POU6F2: variants seen among roughly 807,000 people sequenced by gnomAD.
POU6F2 encodes the protein POU domain, class 6, transcription factor 2.
A neutral mutation model predicts 71.3 loss-of-function variants in POU6F2; 31 were observed. The ratio of observed to expected loss-of-function variants is 0.43; its 90% CI spans 0.33 to 0.59. The LOEUF (loss-of-function observed/expected upper bound fraction) is 0.59, where lower values mean the gene tolerates loss of function less well. Among genes scored for constraint, POU6F2 ranks in the 20% least tolerant of loss-of-function variants. The pLI is 0.04. For missense variants in POU6F2, 783 were observed against 856.8 expected, an observed-to-expected ratio of 0.91 and a Z score of 1.07; for synonymous variants, 347 against 355.7, an observed-to-expected ratio of 0.98 and a Z score of 0.27.
At chr7:39,439,883 A>AAAT (rs1318586765) in intron 7 of POU6F2, among the ~76,000 whole-genome samples, 10 of 152,044 alleles carry the variant, frequency 6.6e-5, no homozygotes, top group Admixed American at 1.3e-4. Context: ...ATGGTGGTAA[A>AAAT]AAAAATGCCT....
intron 4 of POU6F2, among the ~76,000 whole-genome samples, chr7:39,224,201 G>A (rs1032678854): frequency 6.6e-6 from 1 of 152,198 alleles, no homozygotes; most frequent in East Asian, 1.9e-4. Context: ...AAATGATATT[G>A]CATACTTTTT....
intron 4 of POU6F2, among the ~76,000 whole-genome samples, chr7:39,219,510 T>C (rs776682799): frequency 6.6e-5 from 10 of 152,140 alleles, no homozygotes; most frequent in Non-Finnish European, 1.2e-4. Context: ...TTAGATCTGG[T>C]GCTATAGGGA....
chr7:39,310,794 G>A (rs60467141), intron 4 of POU6F2, among the ~76,000 whole-genome samples: 104,148 of 152,118 alleles, frequency 0.68, 35,677 homozygotes, highest in Admixed American at 0.77. Context: ...CGACCCAGCG[G>A]CAGGGTGCTG....
chr7:39,367,835 A>G lies in POU6F2; in HGVS notation c.972+27820A>G, dbSNP rs150136164. Among the ~76,000 whole-genome samples the G allele has an allele frequency of 6.3e-4, 96 of 152,222 alleles. 1 individual carries two copies. The highest frequency in any genetic ancestry group is 2.2e-3 in the African/African-American group (91 of 41,532). On this transcript the variant is annotated intron_variant, in intron 5 of 9. Coordinates refer to ENST00000518318, the MANE Select transcript of POU6F2 (RefSeq NM_001370959.1). ...TTACAATATTACAAGTTTATTCATT[A>G]TTATGAGATCTTCTATGGTGATCTG... is the stretch of plus-strand genomic sequence containing the variant.
chr7:39,263,987 A>G (rs892421166), intron 4 of POU6F2, among the ~76,000 whole-genome samples: 3 of 152,132 alleles, frequency 2.0e-5, no homozygotes, highest in Non-Finnish European at 4.4e-5. Context: ...CTGACTTCCA[A>G]TGTCAACTTG....
intron 4 of POU6F2, among the ~76,000 whole-genome samples, chr7:39,230,102 C>T (rs1794547202): frequency 6.6e-6 from 1 of 152,152 alleles, no homozygotes; most frequent in African/African-American, 2.4e-5. Context: ...ATGCCCTGTC[C>T]CTTCCATTGC....
At chr7:39,328,079 C>T (rs1275897049) in intron 4 of POU6F2, among the ~76,000 whole-genome samples, 2 of 152,282 alleles carry the variant, frequency 1.3e-5, no homozygotes, top group East Asian at 1.9e-4. Context: ...CACCACCACA[C>T]CCAGCTAATT....
At chr7:39,184,633 G>A (rs750500585) in intron 2 of POU6F2, among the ~76,000 whole-genome samples, 8 of 152,188 alleles carry the variant, frequency 5.3e-5, no homozygotes, top group Non-Finnish European at 8.8e-5. Flanking sequence ...TACTAAGCCC[G>A]TGGCTGTCAC....
Position 39,137,233 on chromosome 7 carries a change from T to C in POU6F2, c.277+51202T>C, listed in dbSNP as rs535631611. ...GATAATTACACACTGTATCAAAATA[T>C]CACTCTGTATTTTATAAATAAGTAC... On this transcript the variant is annotated intron_variant, in intron 2 of 9. Coordinates refer to ENST00000518318, the MANE Select transcript of POU6F2 (RefSeq NM_001370959.1). 3.3e-5 allele frequency among the ~76,000 whole-genome samples: 5 copies of C among 152,246 alleles called. No homozygotes were observed. In the East Asian group the frequency reaches 9.6e-4, roughly 29 times the overall value.
intron 2 of POU6F2, among the ~76,000 whole-genome samples, chr7:39,086,304 A>G (rs1348920020): frequency 2.6e-5 from 4 of 152,184 alleles, no homozygotes; most frequent in South Asian, 4.1e-4. Flanking sequence ...GGAAAAAAAT[A>G]GAAAGTGGTA....
intron 4 of POU6F2, among the ~76,000 whole-genome samples, chr7:39,322,000 T>G (rs144059007): frequency 1.3e-5 from 2 of 152,294 alleles, no homozygotes; most frequent in African/African-American, 4.8e-5. Context: ...CCTTATAGTT[T>G]TGAGTTGCTA....
intron 4 of POU6F2, among the ~76,000 whole-genome samples, chr7:39,232,746 C>T (rs1322437566): frequency 6.6e-6 from 1 of 152,138 alleles, no homozygotes; most frequent in African/African-American, 2.4e-5. Context: ...TTAATGTTGC[C>T]ATGACATGCT....
chr7:39,033,772 G>C (rs6974522), intron 1 of POU6F2, among the ~76,000 whole-genome samples: 51,558 of 152,058 alleles, frequency 0.34, 9,290 homozygotes, highest in East Asian at 0.74. Context: ...GCACCAGGCA[G>C]TAACAATCTT....
intron 5 of POU6F2, among the ~76,000 whole-genome samples, 155 bp downstream of exon 5, chr7:39,340,170 G>C (rs1247544650): frequency 3.3e-5 from 5 of 152,200 alleles, no homozygotes; most frequent in African/African-American, 1.2e-4. Flanking sequence ...GGAAGAAGAA[G>C]CAACTAGAAG....
At chr7:39,390,660 A>G (rs1008472970) in intron 5 of POU6F2, among the ~76,000 whole-genome samples, 21 of 152,152 alleles carry the variant, frequency 1.4e-4, no homozygotes, top group Admixed American at 1.4e-3. Context: ...AATTTCTTCC[A>G]TTAGTGCATT....
At position 39,026,923 on chromosome 7, in the gene POU6F2, T is replaced by C. The variant is rs79015054; in HGVS notation, c.105+48865T>C. 9.2e-5 allele frequency among the ~76,000 whole-genome samples: 14 copies of C among 152,186 alleles called. No individual in the cohort carries two copies. In the East Asian group the frequency reaches 2.5e-3, roughly 27 times the overall value. Reference sequence around the variant, plus strand: ...GATATTTTCATCTCCTCTTTAGAAATTGCCAAACTACATAACAGAAGTCAA... The same window carrying C: ...GATATTTTCATCTCCTCTTTAGAAACTGCCAAACTACATAACAGAAGTCAA... On this transcript the variant is annotated intron_variant, in intron 1 of 9. Coordinates refer to ENST00000518318, the MANE Select transcript of POU6F2 (RefSeq NM_001370959.1).
At chr7:39,139,723 C>T (rs1261669223) in intron 2 of POU6F2, among the ~76,000 whole-genome samples, 2 of 152,186 alleles carry the variant, frequency 1.3e-5, no homozygotes, top group African/African-American at 4.8e-5. Context: ...GGGCAGATTT[C>T]TGGGTGGTTC....
At chr7:39,239,482 T>A (rs977165466) in intron 4 of POU6F2, among the ~76,000 whole-genome samples, 2 of 152,170 alleles carry the variant, frequency 1.3e-5, no homozygotes, top group African/African-American at 2.4e-5. Context: ...TGTGCTTCAT[T>A]GTGGAATGCT....
At chr7:39,139,289 G>T (rs766703372) in intron 2 of POU6F2, among the ~76,000 whole-genome samples, 2 of 152,092 alleles carry the variant, frequency 1.3e-5, no homozygotes, top group Admixed American at 6.5e-5. Flanking sequence ...TGAGAAAACC[G>T]CCTTTGCCCC....
Sources: gnomAD v4.1 joint callset for allele counts (sites outside exome capture counted in the v4.1 genomes callset) on GRCh38, gnomAD v4.1.1 for gene constraint, MANE v1.5 for transcripts, NCBI Gene and HGNC (gene_info 2026-07-23, HGNC 2026-07-21) for gene names.